GALNT17: variants seen among roughly 807,000 people sequenced by gnomAD.
GALNT17 encodes UDP-GalNAc:polypeptide N-acetylgalactosaminyltransferase-like 3.
In GALNT17, 29 loss-of-function variants were observed where a neutral mutation model predicts 63.7. The ratio of observed to expected loss-of-function variants is 0.46; its 90% CI spans 0.34 to 0.62. GALNT17 has a LOEUF of 0.62. Among genes scored for constraint, GALNT17 ranks in the 20% least tolerant of loss-of-function variants. GALNT17 has a pLI of 0.01. For missense variants in GALNT17, 603 were observed against 799.6 expected (o/e 0.75, Z 2.97); for synonymous variants, 305 against 318.3 (o/e 0.96, Z 0.45).
chr7:71,652,206 ATGACT>A (rs1790763876), intron 6 of GALNT17, among the ~76,000 whole-genome samples: 1 of 151,948 alleles, frequency 6.6e-6, no homozygotes, highest in Admixed American at 6.6e-5. Context: ...TTGCCAGTCA[ATGACT>A]TGCATTGACT....
intron 9 of GALNT17, among the ~76,000 whole-genome samples, chr7:71,693,243 T>C (rs1283124859): frequency 9.1e-6 from 1 of 109,438 alleles, no homozygotes; most frequent in Admixed American, 1.0e-4. Context: ...TATATACACA[T>C]ATATATACAC....
intron 1 of GALNT17, among the ~76,000 whole-genome samples, chr7:71,304,000 G>C (rs1791245500): frequency 6.6e-6 from 1 of 152,172 alleles, no homozygotes; most frequent in South Asian, 2.1e-4. Context: ...GTGCACACTT[G>C]CATATTTGAG....
At chr7:71,167,743 G>A (rs1788468499) in intron 1 of GALNT17, among the ~76,000 whole-genome samples, 1 of 152,102 alleles carries the variant, frequency 6.6e-6, no homozygotes, top group Non-Finnish European at 1.5e-5. Context: ...AGGCTGGAGT[G>A]CCGTGGCGTG....
At chr7:71,614,590 A>T (rs1217691285) in intron 6 of GALNT17, among the ~76,000 whole-genome samples, 3 of 151,242 alleles carry the variant, frequency 2.0e-5, no homozygotes, top group African/African-American at 7.3e-5. Context: ...GTTGCACTCC[A>T]GCCTGGTGAC....
intron 6 of GALNT17, among the ~76,000 whole-genome samples, chr7:71,589,973 A>G (rs1175310626): frequency 6.6e-6 from 1 of 152,242 alleles, no homozygotes; most frequent in African/African-American, 2.4e-5. Flanking sequence ...TCATAAAACA[A>G]TTCCATCTGC....
intron 1 of GALNT17, among the ~76,000 whole-genome samples, chr7:71,293,398 AG>A (rs1180573981): frequency 1.4e-4 from 22 of 152,286 alleles, no homozygotes; most frequent in African/African-American, 4.8e-4. Flanking sequence ...CATTCTAACA[AG>A]TGTGAGATAA....
chr7:71,587,727 G>T, intron 6 of GALNT17, among the ~76,000 whole-genome samples: 1 of 151,372 alleles, frequency 6.6e-6, no homozygotes, highest in South Asian at 2.1e-4. Flanking sequence ...CACTAATAAA[G>T]AAAAAATGAT....
At chr7:71,318,560 C>G (rs751409987) in intron 1 of GALNT17, among the ~76,000 whole-genome samples, 2 of 152,016 alleles carry the variant, frequency 1.3e-5, no homozygotes, top group Non-Finnish European at 1.5e-5. Context: ...GCTGGGACTA[C>G]AGGCATGCAC....
chr7:71,142,323 C>T (rs1787930093), intron 1 of GALNT17, among the ~76,000 whole-genome samples: 1 of 152,114 alleles, frequency 6.6e-6, no homozygotes, highest in Non-Finnish European at 1.5e-5. Flanking sequence ...CTTTTGGATC[C>T]TTCTCTCTTC....
intron 4 of GALNT17, 134 bp downstream of exon 4, chr7:71,416,197 A>G (rs529668239): frequency 1.9e-5 from 20 of 1,079,414 alleles, no homozygotes; most frequent in Non-Finnish European, 1.8e-5. Context: ...TCGTCAAAGA[A>G]GAAAGTGAGA....
intron 5 of GALNT17, among the ~76,000 whole-genome samples, chr7:71,487,478 G>A (rs115408343): frequency 0.023 from 3,521 of 152,236 alleles, 61 homozygotes; most frequent in African/African-American, 0.036. Flanking sequence ...ACACCAAGAA[G>A]AGTCAAGCCA....
rs573250852 is a variant in GALNT17 at position 71,270,538 on chromosome 7, C to CAA, written c.239-64990_239-64989dup. 2.4e-3 allele frequency among the ~76,000 whole-genome samples: 215 copies of CAA among 88,990 alleles called. 1 individual carries two copies. The highest frequency in any genetic ancestry group is 3.6e-3 in the African/African-American group (78 of 21,568). 58.4% of individuals were successfully genotyped at this position (88,990 alleles called of 152,430 possible). A position where few individuals can be genotyped will look rare whatever the true frequency, so the allele number is the denominator to read the frequency against. The stretch of plus-strand genomic sequence containing the variant: ...AGACTACGTACCCTCCCCACCCCAC[C>CAA]AAAAAAAAAAAAAAAAAAAAAAAGA... On this transcript the variant is annotated intron_variant, in intron 1 of 10. Coordinates refer to ENST00000333538, the MANE Select transcript of GALNT17 (RefSeq NM_022479.3).
intron 2 of GALNT17, among the ~76,000 whole-genome samples, chr7:71,381,142 G>A (rs1258830934): frequency 6.6e-6 from 1 of 151,650 alleles, no homozygotes; most frequent in Non-Finnish European, 1.5e-5. Context: ...TATATTTCTT[G>A]GTAGAGGTGG....
chr7:71,324,241 C>T (rs1054762191), intron 1 of GALNT17, among the ~76,000 whole-genome samples: 7 of 152,080 alleles, frequency 4.6e-5, no homozygotes, highest in South Asian at 2.1e-4. Context: ...AAGCTCACTC[C>T]GAAGATGGTG....
intron 1 of GALNT17, among the ~76,000 whole-genome samples, chr7:71,134,835 G>GTTTTTTTTTTTTTTTTTTTTTTTTTTT (rs561383417): frequency 3.5e-5 from 2 of 57,888 alleles, no homozygotes; most frequent in Non-Finnish European, 5.8e-5. Flanking sequence ...TTGTTTTATG[G>GTTTTTTTTTTTTTTTTTTTTTTTTTTT]TTTTTTTTTT....
At chr7:71,462,351 T>G (rs1484377491) in intron 5 of GALNT17, among the ~76,000 whole-genome samples, 1 of 152,180 alleles carries the variant, frequency 6.6e-6, no homozygotes, top group Non-Finnish European at 1.5e-5. Flanking sequence ...TCTGTTGCAA[T>G]AGAGGAGAGA....
At chr7:71,439,545 G>A (rs908259333) in intron 5 of GALNT17, among the ~76,000 whole-genome samples, 1 of 152,198 alleles carries the variant, frequency 6.6e-6, no homozygotes, top group Non-Finnish European at 1.5e-5. Flanking sequence ...TCCATCAACC[G>A]ACATGCACTG....
rs1787714465 is a variant in GALNT17 at position 71,133,024 on chromosome 7, G to A, written c.222G>A (p.Val74=). Residue 74 remains valine (V), a synonymous_variant, in exon 1 of 11, where the codon GTG becomes GTA. Coordinates refer to ENST00000333538, the MANE Select transcript of GALNT17 (RefSeq NM_022479.3). ...GCCTGTCGCTGCTGGAGGACATCGT[G>A]TACCGGCAGCTGAATGGTAAGGACG... ...LKRLSLLEDI[V]YRQLNGLSKS... The A allele has an allele frequency of 6.3e-7, 1 of 1,583,602 alleles. No individual in the cohort carries two copies. Among genetic ancestry groups the A allele is most frequent in the Non-Finnish European group, 8.6e-7 (1 of 1,165,674 alleles).
rs1437153902 is a variant in GALNT17, at chr7:71,712,543, A to T, written c.*397A>T. 1 of 164,918 alleles carries T rather than the reference A, an allele frequency of 6.1e-6. No individual in the cohort carries two copies. The highest frequency in any genetic ancestry group is 1.6e-4 in the South Asian group (1 of 6,078). 10.2% of individuals were successfully genotyped at this position (164,918 alleles called of 1,614,324 possible). Reference sequence around the variant, plus strand: ...CAGCAGCAGCTGCTGAACTCCAGCCATCAACACGGTGGGAGGCAGCGGGGG... The same window carrying T: ...CAGCAGCAGCTGCTGAACTCCAGCCTTCAACACGGTGGGAGGCAGCGGGGG... On this transcript the variant is annotated 3_prime_UTR_variant, in exon 11 of 11. Coordinates refer to ENST00000333538, the MANE Select transcript of GALNT17 (RefSeq NM_022479.3).
Sources: gnomAD v4.1 joint callset for allele counts (sites outside exome capture counted in the v4.1 genomes callset) on GRCh38, gnomAD v4.1.1 for gene constraint, MANE v1.5 for transcripts, NCBI Gene and HGNC (gene_info 2026-07-23, HGNC 2026-07-21) for gene names.